ITGA9: variants seen among roughly 807,000 people sequenced by gnomAD.
ITGA9 encodes integrin alpha-9.
ITGA9 carries 56 observed loss-of-function variants against 127.8 expected under a neutral mutation model. The ratio of observed to expected loss-of-function variants is 0.44; its 90% CI spans 0.35 to 0.55. ITGA9 has a LOEUF of 0.55. Among genes scored for constraint, ITGA9 ranks in the 20% least tolerant of loss-of-function variants. The probability of loss-of-function intolerance (pLI) is 0.00; values close to 1 mark genes in which losing one functional copy is unlikely to be tolerated. For missense variants in ITGA9, 1,196 were observed against 1,347.1 expected (o/e 0.89, Z 1.76); for synonymous variants, 508 against 514.5 (o/e 0.99, Z 0.17).
chr3:37,654,190 C>CACACACACACACA (rs1700455091), intron 17 of ITGA9, among the ~76,000 whole-genome samples: 5 of 146,304 alleles, frequency 3.4e-5, no homozygotes, highest in African/African-American at 1.0e-4. Context: ...CCTCCTGCCT[C>CACACACACACACA]CACACACACA....
chr3:37,598,373 G>T (rs1699887697), intron 15 of ITGA9, among the ~76,000 whole-genome samples: 1 of 152,188 alleles, frequency 6.6e-6, no homozygotes, highest in Non-Finnish European at 1.5e-5. Flanking sequence ...AGGGGATGGT[G>T]CCAGGGAGCT....
rs969745800 is a variant in ITGA9 at position 37,538,637 on chromosome 3, C to T, written c.1529-3788C>T. Among the ~76,000 whole-genome samples the T allele has an allele frequency of 3.9e-4, 60 of 152,302 alleles. 2 individuals carry two copies. The highest frequency in any genetic ancestry group is 1.7e-3 in the East Asian group (9 of 5,174). ...TGACCGCGGAGCCCGGGCAGCTGATCGGCTGCTTCCCAGACATGTCCTCTG... is the reference window on the plus strand; with the variant it reads ...TGACCGCGGAGCCCGGGCAGCTGATTGGCTGCTTCCCAGACATGTCCTCTG... On this transcript the variant is annotated intron_variant, in intron 14 of 27. Transcript: ENST00000264741.
rs191794387 is a variant in ITGA9, at chr3:37,573,771, G to A, written c.1689+31186G>A. 2.0e-4 allele frequency among the ~76,000 whole-genome samples: 31 copies of A among 152,140 alleles called. No homozygotes were observed. The East Asian group carries it at 2.7e-3, about 13-fold the overall frequency. ...AATATGAGCCATGTGTGCCAGGTAC[G>A]GGGAGCCACCTGTGAAGATCCTGAG... On this transcript the variant is annotated intron_variant, in intron 15 of 27. Transcript: ENST00000264741.
intron 1 of ITGA9, among the ~76,000 whole-genome samples, chr3:37,456,004 A>G (rs1004214735): frequency 1.3e-5 from 2 of 152,128 alleles, no homozygotes; most frequent in African/African-American, 2.4e-5. Context: ...TAATCGGAGG[A>G]TCCTAGATCC....
chr3:37,596,411 C>T (rs761591260), intron 15 of ITGA9, among the ~76,000 whole-genome samples: 3 of 152,046 alleles, frequency 2.0e-5, no homozygotes, highest in East Asian at 1.9e-4. Flanking sequence ...GGGTGTTTTC[C>T]GACCTGAGCC....
At chr3:37,774,333 C>T (rs887539374) in intron 23 of ITGA9, among the ~76,000 whole-genome samples, 35 of 152,148 alleles carry the variant, frequency 2.3e-4, no homozygotes, top group African/African-American at 6.8e-4. Context: ...CCTCTAAAAT[C>T]GTCCAGACCT....
chr3:37,606,665 C>T (rs1699971462), intron 15 of ITGA9, among the ~76,000 whole-genome samples: 1 of 152,138 alleles, frequency 6.6e-6, no homozygotes, highest in African/African-American at 2.4e-5. Context: ...GCCATCTCAG[C>T]ATTTCACCGC....
At chr3:37,684,895 A>G (rs1481660785) in intron 18 of ITGA9, among the ~76,000 whole-genome samples, 1 of 152,156 alleles carries the variant, frequency 6.6e-6, no homozygotes, top group Non-Finnish European at 1.5e-5. Flanking sequence ...CAGTGCTGGT[A>G]TTCTCCCCTA....
chr3:37,729,759 A>G (rs1257460508), intron 18 of ITGA9, among the ~76,000 whole-genome samples: 1 of 133,548 alleles, frequency 7.5e-6, no homozygotes, highest in Non-Finnish European at 1.5e-5. Context: ...GCTGGAGTGC[A>G]GTGGTGCGAT....
chr3:37,718,732 A>G lies in ITGA9; in HGVS notation c.2068-13980A>G, dbSNP rs938052355. ...TTGAGGGTTTTTAACTTGATTGTCC[A>G]TCAGAACCACCTGGGGAGCTTTCAG... On this transcript the variant is annotated intron_variant, in intron 18 of 27. Transcript: ENST00000264741. Among the ~76,000 whole-genome samples the G allele has an allele frequency of 7.2e-5, 11 of 152,188 alleles. 1 individual carries two copies. Among genetic ancestry groups the G allele is most frequent in the Admixed American group, 2.6e-4 (4 of 15,282 alleles).
At chr3:37,774,906 A>C (rs974486712) in intron 23 of ITGA9, among the ~76,000 whole-genome samples, 2 of 152,252 alleles carry the variant, frequency 1.3e-5, no homozygotes, top group African/African-American at 4.8e-5. Flanking sequence ...GAATGTATTC[A>C]GATCAAAGAT....
rs535508724 is a variant in ITGA9 at position 37,819,989 on chromosome 3, G to A, written c.*1000G>A. The A allele has an allele frequency of 1.3e-5, 2 of 152,308 alleles. No individual in the cohort carries two copies. Among genetic ancestry groups the A allele is most frequent in the South Asian group, 2.1e-4 (1 of 4,824 alleles). The allele number at this position is 152,308 out of a possible 1,614,324, so 9.4% of individuals were successfully genotyped here. A position where few individuals can be genotyped will look rare whatever the true frequency, so the allele number is the denominator to read the frequency against. On this transcript the variant is annotated 3_prime_UTR_variant, in exon 28 of 28. Coordinates refer to ENST00000264741, the MANE Select transcript of ITGA9 (RefSeq NM_002207.3). The stretch of plus-strand genomic sequence containing the variant: ...CTTCATTTCCCCTACCACCCTGGCT[G>A]TCCCAGCTAGTGGTGATTGCAGATT...
intron 18 of ITGA9, among the ~76,000 whole-genome samples, chr3:37,728,770 A>G (rs932321450): frequency 3.9e-5 from 6 of 151,944 alleles, no homozygotes; most frequent in Non-Finnish European, 7.4e-5. Context: ...CAGCCTCATA[A>G]GGGAAGAGTA....
intron 15 of ITGA9, among the ~76,000 whole-genome samples, chr3:37,628,081 T>C (rs1010363456): frequency 6.6e-6 from 1 of 152,210 alleles, no homozygotes; most frequent in African/African-American, 2.4e-5. Flanking sequence ...GAGAGTAGTA[T>C]GAAGTCCTCA....
intron 15 of ITGA9, among the ~76,000 whole-genome samples, chr3:37,584,490 G>A (rs1004794702): frequency 6.6e-6 from 1 of 152,088 alleles, no homozygotes; most frequent in Admixed American, 6.6e-5. Context: ...AAGTAATGCA[G>A]TCTAGCCTGT....
chr3:37,482,399 G>A (rs573556279), intron 4 of ITGA9, among the ~76,000 whole-genome samples: 93 of 152,336 alleles, frequency 6.1e-4, no homozygotes, highest in African/African-American at 2.1e-3. Flanking sequence ...TAGCCCAGTC[G>A]AATCTGAGCT....
intron 15 of ITGA9, among the ~76,000 whole-genome samples, chr3:37,552,752 C>T (rs1192318643): frequency 1.3e-5 from 2 of 152,156 alleles, no homozygotes; most frequent in Non-Finnish European, 2.9e-5. Flanking sequence ...TGGTGGCTCA[C>T]GCCTGTAATC....
intron 23 of ITGA9, among the ~76,000 whole-genome samples, chr3:37,775,968 T>C (rs1457286883): frequency 6.6e-6 from 1 of 152,226 alleles, no homozygotes; most frequent in African/African-American, 2.4e-5. Context: ...AAAGAAAATG[T>C]TGTACAGATA....
intron 5 of ITGA9, among the ~76,000 whole-genome samples, chr3:37,499,687 C>G (rs1455569008): frequency 1.3e-5 from 2 of 152,140 alleles, no homozygotes; most frequent in African/African-American, 4.8e-5. Flanking sequence ...CAGCCTCAGC[C>G]CTGAGGGTCG....
Sources: allele counts gnomAD v4.1 joint callset (sites outside exome capture counted in the v4.1 genomes callset), GRCh38; gene constraint gnomAD v4.1.1; transcripts MANE v1.5; gene names NCBI Gene and HGNC (gene_info 2026-07-23, HGNC 2026-07-21).